ARHGEF4: variants seen among roughly 807,000 people sequenced by gnomAD.
ARHGEF4 encodes APC-stimulated guanine nucleotide exchange factor 1.
A neutral mutation model predicts 162.0 loss-of-function variants in ARHGEF4; 119 were observed. That is an observed-to-expected ratio of 0.73 (90% confidence interval 0.63 to 0.86). The LOEUF (loss-of-function observed/expected upper bound fraction) is 0.86, where lower values mean the gene tolerates loss of function less well. Among genes scored for constraint, ARHGEF4 ranks in the 40% least tolerant of loss-of-function variants. The pLI is 0.00. For missense variants in ARHGEF4, 2,488 were observed against 2,456.0 expected, an observed-to-expected ratio of 1.01 and a Z score of -0.28; for synonymous variants, 1,014 against 979.9, an observed-to-expected ratio of 1.03 and a Z score of -0.65.
Position 130,915,835 on chromosome 2 carries a change from C to T in ARHGEF4, c.1889C>T (p.Ala630Val). Residue 630 changes from alanine to valine, a missense_variant, in exon 2 of 14, where the codon GCC becomes GTC. Around this residue, in one of 6 missense-constraint regions of ARHGEF4, gnomAD observed 1,642 missense variants for 1,481.5 expected, o/e 1.11. Transcript: ENST00000409359. ...GGCGAGGCCTCGAGGGGCAGGGGCG[C>T]CCTCATCATTGTAGCTGTGGAGCAG... ...AGGEASRGRG[A>V]LIIVAVEQKG... 1 of 1,534,588 alleles carries T rather than the reference C, an allele frequency of 6.5e-7. No homozygotes were observed. Among genetic ancestry groups the T allele is most frequent in the Non-Finnish European group, 8.8e-7 (1 of 1,139,068 alleles).
Position 130,870,469 on chromosome 2 carries a change from A to T in ARHGEF4, c.39+33477A>T, listed in dbSNP as rs576282259. On this transcript the variant is annotated intron_variant, in intron 1 of 13. Transcript: ENST00000409359. The stretch of plus-strand genomic sequence containing the variant: ...GACACTGCCCAGGAGAGGGGGCAGG[A>T]AGGGGCCCTCAGCCCTGTTCCTTCC... Among the ~76,000 whole-genome samples the T allele has an allele frequency of 5.3e-5, 8 of 152,282 alleles. No homozygotes were observed. The East Asian group carries it at 1.5e-3, about 29-fold the overall frequency.
intron 2 of ARHGEF4, among the ~76,000 whole-genome samples, chr2:130,926,048 C>CTTTCTCTTTCTTTCTTTCTT: frequency 1.4e-3 from 77 of 53,450 alleles, no homozygotes; most frequent in Middle Eastern, 9.6e-3. Context: ...TTCTTTCTTT[C>CTTTCTCTTTCTTTCTTTCTT]TCTTTCTTTC....
intron 11 of ARHGEF4, chr2:131,043,790 C>T: frequency 1.6e-6 from 1 of 629,274 alleles, no homozygotes; most frequent in Admixed American, 2.9e-5. Context: ...TCTGACCAGG[C>T]CGGGTGCTGT....
chr2:130,919,745 G>A (rs1681753935), intron 2 of ARHGEF4, among the ~76,000 whole-genome samples: 1 of 152,006 alleles, frequency 6.6e-6, no homozygotes, highest in African/African-American at 2.4e-5. Flanking sequence ...GCCTGGTGGT[G>A]GGCGCCTGTA....
At position 131,035,405 on chromosome 2, in the gene ARHGEF4, G is replaced by A. The variant is rs1391095349; in HGVS notation, c.4126-3448G>A. The stretch of plus-strand genomic sequence containing the variant: ...CACTACCAGGGCCTGGTCCGGGGGT[G>A]TCGCCGAGCGGGTGCCTGAGGGGCG... On this transcript the variant is annotated intron_variant, in intron 5 of 13. Transcript: ENST00000409359. 3.8e-6 allele frequency: 3 copies of A among 793,852 alleles called. No individual in the cohort carries two copies. The African/African-American group carries it at 5.5e-5, about 15-fold the overall frequency. 49.2% of individuals were successfully genotyped at this position (793,852 alleles called of 1,614,324 possible). A position where few individuals can be genotyped will look rare whatever the true frequency, so the allele number is the denominator to read the frequency against.
At chr2:130,921,106 G>T (rs1415919022) in intron 2 of ARHGEF4, among the ~76,000 whole-genome samples, 1 of 152,106 alleles carries the variant, frequency 6.6e-6, no homozygotes, top group East Asian at 1.9e-4. Flanking sequence ...TACTATGGGT[G>T]TGGGGGTGGC....
intron 1 of ARHGEF4, among the ~76,000 whole-genome samples, chr2:130,887,723 C>T (rs1163112206): frequency 6.6e-6 from 1 of 152,148 alleles, no homozygotes; most frequent in Non-Finnish European, 1.5e-5. Context: ...TTATAATCAG[C>T]AGTAGCTTTC....
chr2:130,915,651 G>A lies in ARHGEF4; in HGVS notation c.1705G>A (p.Glu569Lys), dbSNP rs200268770. Residue 569 changes from glutamate (E) to lysine (K), a missense_variant, in exon 2 of 14, where the codon GAA becomes AAA. By Grantham distance (56) the Glu-to-Lys change is moderately conservative. Transcript: ENST00000409359. ...SSAIDTSKAA[E>K]EAMVLDPNYR... ...CGCAATAGACACTTCAAAGGCAGCC[G>A]AAGAAGCCATGGTTCTAGACCCCAA... 202 of 1,550,260 alleles carry A rather than the reference G, an allele frequency of 1.3e-4. 1 individual carries two copies. Among genetic ancestry groups the A allele is most frequent in the Middle Eastern group, 1.2e-3 (7 of 6,014 alleles).
At chr2:130,882,200 G>C (rs1679237777) in intron 1 of ARHGEF4, among the ~76,000 whole-genome samples, 1 of 152,136 alleles carries the variant, frequency 6.6e-6, no homozygotes, top group Non-Finnish European at 1.5e-5. Context: ...ACAGGTCCTG[G>C]ACAGAGAGGA....
chr2:130,928,655 T>G (rs1022217093), intron 2 of ARHGEF4, among the ~76,000 whole-genome samples: 6 of 152,212 alleles, frequency 3.9e-5, no homozygotes, highest in Non-Finnish European at 8.8e-5. Flanking sequence ...TCATCTGCAT[T>G]TCTTTAGATA....
chr2:130,866,845 A>G (rs1229584602), intron 1 of ARHGEF4, among the ~76,000 whole-genome samples: 1 of 152,056 alleles, frequency 6.6e-6, no homozygotes, highest in African/African-American at 2.4e-5. Context: ...TCTTTCTTGT[A>G]ATATCCTTTT....
chr2:131,039,514 A>C (rs1690591296), intron 6 of ARHGEF4: 1 of 1,027,140 alleles, frequency 9.7e-7, no homozygotes. Flanking sequence ...TGCAGTCTCC[A>C]AAAGGCCTGG....
At chr2:130,956,403 T>A (rs1206854284) in intron 4 of ARHGEF4, among the ~76,000 whole-genome samples, 6 of 151,978 alleles carry the variant, frequency 3.9e-5, no homozygotes, top group Non-Finnish European at 8.8e-5. Flanking sequence ...ATTGTGGAAG[T>A]CAGTGTGGCG....
chr2:130,976,878 C>T (rs1230182348), intron 4 of ARHGEF4, among the ~76,000 whole-genome samples: 1 of 151,516 alleles, frequency 6.6e-6, no homozygotes, highest in East Asian at 1.9e-4. Context: ...TGTATGTGAG[C>T]ATGGTGTGTG....
chr2:130,892,454 C>T (rs529519138), intron 1 of ARHGEF4, among the ~76,000 whole-genome samples: 122 of 152,308 alleles, frequency 8.0e-4, no homozygotes, highest in Admixed American at 1.4e-3. Context: ...TTGTGACCTG[C>T]GCTTCTTACC....
chr2:130,974,118 A>AT (rs1685537904), intron 4 of ARHGEF4, among the ~76,000 whole-genome samples: 1 of 151,892 alleles, frequency 6.6e-6, no homozygotes, highest in Non-Finnish European at 1.5e-5. Context: ...AAAAAAAAAA[A>AT]AAAATTAGCC....
Position 131,002,310 on chromosome 2 carries a change from G to A in ARHGEF4, c.3986-25635G>A, listed in dbSNP as rs180996004. Among the ~76,000 whole-genome samples the A allele has an allele frequency of 4.6e-3, 697 of 152,316 alleles. 10 individuals are homozygous for A. Among genetic ancestry groups the A allele is most frequent in the Middle Eastern group, 6.8e-3 (2 of 294 alleles). ...AAGCTGTGAGGGGCCGGGCGCGGTG[G>A]CTCATGCCTGTAATCCCAGCACTTT... On this transcript the variant is annotated intron_variant, in intron 4 of 13. Transcript: ENST00000409359.
Position 130,914,697 on chromosome 2 carries a change from C to A in ARHGEF4, c.751C>A (p.Leu251Met). ...WPHIHNRARA[L>M]VLPSRGPLDN... ...ACATATCCACAACAGGGCCAGGGCA[C>A]TGGTGCTACCTAGCAGAGGCCCACT... Residue 251 changes from leucine to methionine, a missense_variant, in exon 2 of 14, where the codon CTG becomes ATG. By Grantham distance (15) the Leu-to-Met change is conservative. This residue lies in a region of ARHGEF4 where 1,642 missense variants were observed against 1,481.5 expected (regional missense o/e 1.11). Coordinates refer to ENST00000409359, the MANE Select transcript of ARHGEF4 (RefSeq NM_001367493.1). 1 of 1,396,476 alleles carries A rather than the reference C, an allele frequency of 7.2e-7. No individual in the cohort carries two copies. The highest frequency in any genetic ancestry group is 9.2e-7 in the Non-Finnish European group (1 of 1,081,880). The allele number at this position is 1,396,476 out of a possible 1,614,324, so 86.5% of individuals were successfully genotyped here. A position where few individuals can be genotyped will look rare whatever the true frequency, so the allele number is the denominator to read the frequency against.
At chr2:130,893,703 CAAG>C (rs1375953863) in intron 1 of ARHGEF4, among the ~76,000 whole-genome samples, 1 of 152,176 alleles carries the variant, frequency 6.6e-6, no homozygotes, top group East Asian at 1.9e-4. Context: ...TGGAGTTGAA[CAAG>C]GAGGAGAGCC....
Sources: allele counts gnomAD v4.1 joint callset (sites outside exome capture counted in the v4.1 genomes callset), GRCh38; gene constraint gnomAD v4.1.1; regional missense constraint gnomAD v4.1.1; transcripts MANE v1.5; gene names NCBI Gene and HGNC (gene_info 2026-07-23, HGNC 2026-07-21).